The following SRPK2 variants were observed in gnomAD, a reference collection of about 807,000 sequenced individuals.
SRPK2 encodes SRSF protein kinase 2.
SRPK2 carries 21 observed loss-of-function variants against 90.8 expected under a neutral mutation model. The ratio of observed to expected loss-of-function variants is 0.23; its 90% CI spans 0.16 to 0.33. The LOEUF is 0.33. SRPK2 is among the 10% of genes least tolerant of loss of function. The pLI is 1.00. For missense variants in SRPK2, 620 were observed against 869.0 expected (o/e 0.71, Z 3.60); for synonymous variants, 288 against 311.1 (o/e 0.93, Z 0.78).
intron 1 of SRPK2, among the ~76,000 whole-genome samples, chr7:105,395,380 A>G (rs1391442257): frequency 6.6e-6 from 1 of 151,602 alleles, no homozygotes; most frequent in African/African-American, 2.4e-5. Flanking sequence ...AAAATCAACA[A>G]TCTGTTGGGA....
At chr7:105,231,555 C>T (rs191212452) in intron 2 of SRPK2, among the ~76,000 whole-genome samples, 2 of 152,318 alleles carry the variant, frequency 1.3e-5, no homozygotes, top group East Asian at 3.9e-4. Flanking sequence ...GTTCCCTTTT[C>T]TCCGCAATCT....
intron 2 of SRPK2, among the ~76,000 whole-genome samples, chr7:105,232,459 A>AT (rs1491355076): frequency 5.0e-4 from 2 of 3,998 alleles, no homozygotes; most frequent in Admixed American, 2.6e-3. Flanking sequence ...AACCTTATCT[A>AT]AAAAAAAAAA....
At chr7:105,234,208 T>C (rs1472661797) in intron 2 of SRPK2, among the ~76,000 whole-genome samples, 5 of 152,194 alleles carry the variant, frequency 3.3e-5, no homozygotes, top group South Asian at 4.1e-4. Flanking sequence ...ACTACAAAGA[T>C]TTATACTAGT....
chr7:105,364,418 T>TTTTTTTTTTTG (rs1818793674), intron 2 of SRPK2, among the ~76,000 whole-genome samples: 1 of 151,398 alleles, frequency 6.6e-6, no homozygotes, highest in African/African-American at 2.4e-5. Flanking sequence ...TTTTTTTTTT[T>TTTTTTTTTTTG]GAGAAGGAGT....
intron 2 of SRPK2, among the ~76,000 whole-genome samples, chr7:105,253,304 T>A (rs978271834): frequency 1.4e-4 from 22 of 152,206 alleles, no homozygotes; most frequent in Non-Finnish European, 2.5e-4. Context: ...CTACAGCATA[T>A]CTTATAGCCT....
chr7:105,336,057 T>C (rs1815059847), intron 2 of SRPK2, among the ~76,000 whole-genome samples: 1 of 152,202 alleles, frequency 6.6e-6, no homozygotes, highest in Admixed American at 6.6e-5. Flanking sequence ...TGTTTATTTA[T>C]GAAAAAAATC....
intron 2 of SRPK2, among the ~76,000 whole-genome samples, chr7:105,324,350 T>C (rs1472767702): frequency 6.7e-6 from 1 of 149,726 alleles, no homozygotes; most frequent in Non-Finnish European, 1.5e-5. Context: ...TGAGATGGAG[T>C]CTCGCCCTGT....
chr7:105,371,771 T>C lies in SRPK2; in HGVS notation c.71+16877A>G, dbSNP rs577350801. Among the ~76,000 whole-genome samples the C allele has an allele frequency of 4.6e-5, 7 of 152,210 alleles. No homozygotes were observed. In the East Asian group the frequency reaches 1.3e-3, roughly 29 times the overall value. ...CTAACTGTTTAGACTGTGGGAAATA[T>C]GATGTTCTCTCTCTCTACCATCTCC... On this transcript the variant is annotated intron_variant, in intron 2 of 15. Transcript: ENST00000393651.
chr7:105,375,149 A>G (rs1820140906), intron 2 of SRPK2, among the ~76,000 whole-genome samples: 1 of 152,160 alleles, frequency 6.6e-6, no homozygotes, highest in South Asian at 2.1e-4. Context: ...TAATATTTTT[A>G]AAACCTGGAA....
At chr7:105,140,331 T>C (rs1803524969) in intron 11 of SRPK2, among the ~76,000 whole-genome samples, 1 of 152,230 alleles carries the variant, frequency 6.6e-6, no homozygotes, top group Non-Finnish European at 1.5e-5. Context: ...CTGGTCATGG[T>C]GGCTCAGGCT....
At chr7:105,330,215 C>CTG (rs1302363877) in intron 2 of SRPK2, among the ~76,000 whole-genome samples, 4 of 151,776 alleles carry the variant, frequency 2.6e-5, no homozygotes, top group African/African-American at 9.7e-5. Flanking sequence ...TGGCGGGTGC[C>CTG]CGTAGTCCCA....
intron 7 of SRPK2, among the ~76,000 whole-genome samples, chr7:105,154,004 G>A (rs1806137263): frequency 6.6e-6 from 1 of 152,216 alleles, no homozygotes; most frequent in Non-Finnish European, 1.5e-5. Context: ...TAAACTCAAT[G>A]GAGGAGCTTG....
intron 2 of SRPK2, chr7:105,268,844 C>G (rs1195266546): frequency 6.3e-7 from 1 of 1,594,446 alleles, no homozygotes; most frequent in Admixed American, 1.7e-5. Context: ...TAACTGACAT[C>G]AGCAGCTCAA....
intron 2 of SRPK2, among the ~76,000 whole-genome samples, chr7:105,363,074 T>C (rs972869275): frequency 2.6e-5 from 4 of 152,024 alleles, no homozygotes; most frequent in African/African-American, 9.7e-5. Context: ...CATTAGGAGA[T>C]ATACTTAATG....
intron 2 of SRPK2, among the ~76,000 whole-genome samples, chr7:105,362,516 C>CAAAAA: frequency 1.7e-5 from 1 of 58,074 alleles, no homozygotes; most frequent in East Asian, 4.6e-4. Context: ...GACTCTGTCT[C>CAAAAA]AAAAAAAAAA....
intron 2 of SRPK2, chr7:105,206,527 G>C (rs1475860657): frequency 6.5e-6 from 1 of 154,922 alleles, no homozygotes; most frequent in Non-Finnish European, 1.4e-5. Flanking sequence ...TTAAAAGCCA[G>C]CTCTACCAAA....
At chr7:105,339,903 C>T (rs1248920150) in intron 2 of SRPK2, among the ~76,000 whole-genome samples, 1 of 151,956 alleles carries the variant, frequency 6.6e-6, no homozygotes, top group East Asian at 1.9e-4. Flanking sequence ...ACTGAAAACA[C>T]AAAAATTGTC....
intron 7 of SRPK2, among the ~76,000 whole-genome samples, chr7:105,149,035 A>G (rs958128903): frequency 6.6e-6 from 1 of 152,194 alleles, no homozygotes; most frequent in Non-Finnish European, 1.5e-5. Context: ...AGTCTGAAAT[A>G]TGGCCTCGTG....
chr7:105,327,750 A>G (rs1813757766), intron 2 of SRPK2, among the ~76,000 whole-genome samples: 1 of 152,242 alleles, frequency 6.6e-6, no homozygotes, highest in South Asian at 2.1e-4. Context: ...CAAGATACTT[A>G]ATACAGATTA....
Sources: allele counts gnomAD v4.1 joint callset (sites outside exome capture counted in the v4.1 genomes callset), GRCh38; gene constraint gnomAD v4.1.1; transcripts MANE v1.5; gene names NCBI Gene and HGNC (gene_info 2026-07-23, HGNC 2026-07-21).